ABCB1: variants seen among roughly 807,000 people sequenced by gnomAD.
The protein encoded by ABCB1 is ATP binding cassette subfamily B member 1, also known as ATP-dependent translocase ABCB1.
ABCB1 carries 69 observed loss-of-function variants against 142.0 expected under a neutral mutation model. The ratio of observed to expected loss-of-function variants is 0.49; its 90% CI spans 0.40 to 0.59. The LOEUF is 0.59. Ranked by LOEUF, ABCB1 falls within the 20% of genes least tolerant of loss-of-function variation. The pLI, the probability that ABCB1 is intolerant of heterozygous loss-of-function variation, is 0.00. For missense variants in ABCB1, 1,326 were observed against 1,554.7 expected, an observed-to-expected ratio of 0.85 and a Z score of 2.47; for synonymous variants, 532 against 539.2, an observed-to-expected ratio of 0.99 and a Z score of 0.18.
chr7:87,552,905 G>C (rs1817142203), intron 9 of ABCB1, among the ~76,000 whole-genome samples: 1 of 151,990 alleles, frequency 6.6e-6, no homozygotes, highest in Non-Finnish European at 1.5e-5. Context: ...ATTGAGTTTG[G>C]TTTGCAAATT....
At chr7:87,637,633 CTTA>C (rs1374915570) in intron 1 of ABCB1, among the ~76,000 whole-genome samples, 4 of 151,852 alleles carry the variant, frequency 2.6e-5, no homozygotes, top group Non-Finnish European at 4.4e-5. Flanking sequence ...TTTTAAATCT[CTTA>C]TTATATTTAT....
chr7:87,607,739 C>G (rs1055267913), intron 1 of ABCB1, among the ~76,000 whole-genome samples: 2 of 151,900 alleles, frequency 1.3e-5, no homozygotes, highest in East Asian at 3.9e-4. Flanking sequence ...TAGAGATAGG[C>G]TGTCACTATG....
intron 22 of ABCB1, 65 bp downstream of exon 22, chr7:87,520,711 C>T: frequency 6.9e-7 from 1 of 1,441,810 alleles, no homozygotes; most frequent in Non-Finnish European, 9.8e-7. Flanking sequence ...AGTAATCCCT[C>T]TGAAAACAAA....
intron 1 of ABCB1, among the ~76,000 whole-genome samples, chr7:87,643,110 C>T (rs1822616013): frequency 6.6e-6 from 1 of 152,134 alleles, no homozygotes; most frequent in Non-Finnish European, 1.5e-5. Flanking sequence ...TAGAGATGGG[C>T]TCTTGCTTTG....
intron 1 of ABCB1, among the ~76,000 whole-genome samples, chr7:87,600,491 C>G (rs1299078956): frequency 6.6e-6 from 1 of 152,188 alleles, no homozygotes; most frequent in African/African-American, 2.4e-5. Flanking sequence ...ACCCACCGCC[C>G]GCGGGCTCAG....
At chr7:87,512,156 C>T (rs1307786368) in intron 25 of ABCB1, among the ~76,000 whole-genome samples, 2 of 150,814 alleles carry the variant, frequency 1.3e-5, no homozygotes, top group Non-Finnish European at 3.0e-5. Flanking sequence ...AAGTAAATAT[C>T]CACCTTTGTA....
intron 1 of ABCB1, among the ~76,000 whole-genome samples, chr7:87,608,799 T>TG (rs1819750072): frequency 6.6e-6 from 1 of 152,222 alleles, no homozygotes; most frequent in Non-Finnish European, 1.5e-5. Context: ...CTTAGTATTA[T>TG]TTCACAGGAC....
chr7:87,689,511 T>C (rs891893695), intron 1 of ABCB1, among the ~76,000 whole-genome samples: 5 of 152,168 alleles, frequency 3.3e-5, no homozygotes, highest in Admixed American at 3.3e-4. Flanking sequence ...TACTTTATTG[T>C]GCTAATATTA....
intron 4 of ABCB1, 39 bp downstream of exon 4, chr7:87,585,473 G>T (rs201989281): frequency 6.2e-7 from 1 of 1,605,590 alleles, no homozygotes; most frequent in Non-Finnish European, 8.5e-7. Flanking sequence ...TGTTTTTGCT[G>T]CAAGTTTCCA....
intron 1 of ABCB1, among the ~76,000 whole-genome samples, chr7:87,622,131 A>G (rs1231264187): frequency 6.6e-6 from 1 of 152,308 alleles, no homozygotes; most frequent in Non-Finnish European, 1.5e-5. Context: ...TTTCATTTAT[A>G]TAAAATTTTT....
intron 8 of ABCB1, among the ~76,000 whole-genome samples, chr7:87,555,783 G>T (rs1817282447): frequency 6.6e-6 from 1 of 152,088 alleles, no homozygotes; most frequent in Non-Finnish European, 1.5e-5. Context: ...GAGTTGATCT[G>T]AGGTAAAAGC....
chr7:87,522,283 G>C (rs1815550325), intron 21 of ABCB1: 4 of 831,252 alleles, frequency 4.8e-6, no homozygotes, highest in Non-Finnish European at 8.3e-6. Context: ...GACCCATGAA[G>C]GGAGGAAACT....
chr7:87,531,775 A>G, intron 20 of ABCB1: 1 of 397,704 alleles, frequency 2.5e-6, no homozygotes, highest in Non-Finnish European at 4.6e-6. Flanking sequence ...AATCACGGCA[A>G]CATTACTAAA....
intron 1 of ABCB1, among the ~76,000 whole-genome samples, chr7:87,645,363 G>A (rs1240285088): frequency 2.0e-5 from 3 of 151,990 alleles, no homozygotes; most frequent in Non-Finnish European, 4.4e-5. Context: ...GTATTACAGG[G>A]TTGAGCCACC....
chr7:87,570,272 T>C (rs1377275948), intron 4 of ABCB1, 49 bp from the exon 5 acceptor site: 1 of 1,523,942 alleles, frequency 6.6e-7, no homozygotes, highest in Non-Finnish European at 9.1e-7. Context: ...TTAGTCTCCA[T>C]TAAAAATAAA....
At chr7:87,710,535 T>G (rs1346291704) in intron 1 of ABCB1, 11 of 1,321,248 alleles carry the variant, frequency 8.3e-6, no homozygotes, top group Non-Finnish European at 1.2e-5. Flanking sequence ...TTTTTTTAAT[T>G]TTTTTTATAT....
At chr7:87,569,124 G>A (rs1271544671) in intron 5 of ABCB1, among the ~76,000 whole-genome samples, 1 of 152,094 alleles carries the variant, frequency 6.6e-6, no homozygotes, top group Non-Finnish European at 1.5e-5. Context: ...CCTGAGGTCA[G>A]AAGTTCAAGG....
intron 5 of ABCB1, among the ~76,000 whole-genome samples, chr7:87,569,556 T>C (rs1481722131): frequency 1.3e-5 from 2 of 152,166 alleles, no homozygotes; most frequent in African/African-American, 4.8e-5. Context: ...TTTTATTTTA[T>C]TGTTCAGAAT....
At chr7:87,530,898 A>G (rs557962788) in intron 21 of ABCB1, among the ~76,000 whole-genome samples, 2 of 150,984 alleles carry the variant, frequency 1.3e-5, no homozygotes, top group South Asian at 4.2e-4. Context: ...GAAAAGAAGG[A>G]AGAAGGGAAG....
Sources: allele counts gnomAD v4.1 joint callset (sites outside exome capture counted in the v4.1 genomes callset), GRCh38; gene constraint gnomAD v4.1.1; transcripts MANE v1.5; gene names NCBI Gene and HGNC (gene_info 2026-07-23, HGNC 2026-07-21).